Variants in EML6 observed in about 807,000 individuals in gnomAD.
The protein encoded by EML6 is echinoderm microtubule-associated protein-like 6.
In EML6, 154 loss-of-function variants were observed where a neutral mutation model predicts 240.1. The observed-to-expected ratio is 0.64, with a 90% CI of 0.56 to 0.73. The LOEUF (loss-of-function observed/expected upper bound fraction) is 0.73. Among genes scored for constraint, EML6 ranks in the 30% least tolerant of loss-of-function variants. The pLI is 0.00. For synonymous variants in EML6, 1,148 were observed against 899.0 expected (o/e 1.28, Z -4.95); for missense variants, 2,964 against 2,474.6 (o/e 1.20, Z -4.20).
chr2:54,935,455 C>G (rs1486731123), intron 28 of EML6, among the ~76,000 whole-genome samples: 1 of 152,046 alleles, frequency 6.6e-6, no homozygotes, highest in African/African-American at 2.4e-5. Context: ...TTTTTATTAC[C>G]TAGTATTATA....
chr2:54,815,501 C>T (rs968270961), intron 3 of EML6, among the ~76,000 whole-genome samples: 1 of 152,162 alleles, frequency 6.6e-6, no homozygotes, highest in African/African-American at 2.4e-5. Context: ...GCTTTTTCTC[C>T]ATCAGGAAAT....
rs114906994 is a variant in EML6, at chr2:54,844,853, G to A, written c.1049+605G>A. The stretch of plus-strand genomic sequence containing the variant: ...GGGTAAAATGAGCACAATGACTTAT[G>A]ATTCCAGTATTTTTGTACCTATTAA... On this transcript the variant is annotated intron_variant, in intron 8 of 41. Coordinates refer to ENST00000356458, the MANE Select transcript of EML6 (RefSeq NM_001039753.4). Among the ~76,000 whole-genome samples, 525 of 152,266 alleles carry A rather than the reference G, an allele frequency of 3.4e-3. 2 individuals are homozygous for A. The highest frequency in any genetic ancestry group is 0.012 in the African/African-American group (503 of 41,542).
At chr2:54,751,050 C>A (rs1276212988) in intron 2 of EML6, among the ~76,000 whole-genome samples, 3 of 152,168 alleles carry the variant, frequency 2.0e-5, no homozygotes, top group African/African-American at 7.2e-5. Context: ...GGATGTTGAG[C>A]TTGACGCATC....
chr2:54,927,623 G>C (rs945608210), intron 26 of EML6, among the ~76,000 whole-genome samples: 1 of 152,172 alleles, frequency 6.6e-6, no homozygotes, highest in Non-Finnish European at 1.5e-5. Context: ...GACTGCCCTG[G>C]CATGAGCAGC....
chr2:54,829,691 G>A (rs372424035), intron 7 of EML6, among the ~76,000 whole-genome samples: 25 of 152,194 alleles, frequency 1.6e-4, no homozygotes, highest in African/African-American at 6.0e-4. Flanking sequence ...GCCAAAATAA[G>A]CATTCTGATG....
intron 2 of EML6, among the ~76,000 whole-genome samples, chr2:54,783,942 T>A (rs1363982233): frequency 6.6e-6 from 1 of 152,224 alleles, no homozygotes. Flanking sequence ...TTCCATAATT[T>A]ATTGAACTGT....
chr2:54,779,546 CAAA>C (rs57641161), intron 2 of EML6, among the ~76,000 whole-genome samples: 19 of 96,686 alleles, frequency 2.0e-4, no homozygotes, highest in African/African-American at 2.4e-4. Context: ...GACTCTGTCT[CAAA>C]AAAAAAAAAA....
rs574788707 is a variant in EML6, at chr2:54,928,690, A to C, written c.3943A>C (p.Ile1315Leu). The C allele has an allele frequency of 1.0e-5, 16 of 1,551,884 alleles. No homozygotes were observed. The South Asian group carries it at 1.8e-4, about 17-fold the overall frequency. ...CACCACCAAGATTTATGCTGTGAGC[A>C]TCAGGGAAATGGAAGGCACCAAGCC... Reference protein sequence around the residue: ...DYTTKIYAVSIREMEGTKPHQ... With the variant: ...DYTTKIYAVSLREMEGTKPHQ... Residue 1315 changes from isoleucine to leucine, a missense_variant, in exon 28 of 42, where the codon ATC becomes CTC. Coordinates refer to ENST00000356458, the MANE Select transcript of EML6 (RefSeq NM_001039753.4).
chr2:54,799,366 T>C (rs1461614640), intron 2 of EML6, among the ~76,000 whole-genome samples: 1 of 151,608 alleles, frequency 6.6e-6, no homozygotes, highest in Non-Finnish European at 1.5e-5. Context: ...CAGCCTTTAT[T>C]ACTATTTTTT....
intron 7 of EML6, among the ~76,000 whole-genome samples, chr2:54,834,707 C>T (rs1669044643): frequency 6.6e-6 from 1 of 152,126 alleles, no homozygotes; most frequent in Non-Finnish European, 1.5e-5. Flanking sequence ...CCAGAAAGAA[C>T]CTGCATTAGG....
At chr2:54,830,286 C>A (rs1243176540) in intron 7 of EML6, among the ~76,000 whole-genome samples, 1 of 152,096 alleles carries the variant, frequency 6.6e-6, no homozygotes, top group Non-Finnish European at 1.5e-5. Context: ...ATACGCTAAG[C>A]ACAGGTTGGG....
At chr2:54,970,014 C>G in intron 41 of EML6, 57 bp from the exon 42 acceptor site, 2 of 1,544,364 alleles carry the variant, frequency 1.3e-6, no homozygotes, top group Non-Finnish European at 1.8e-6. Context: ...TTTTTTGCCA[C>G]TTGACACAAG....
At chr2:54,904,697 G>T (rs1673226871) in intron 24 of EML6, among the ~76,000 whole-genome samples, 2 of 152,330 alleles carry the variant, frequency 1.3e-5, no homozygotes, top group South Asian at 4.1e-4. Context: ...GAACTTTCAT[G>T]CTGAACTGTG....
Position 54,892,673 on chromosome 2 carries a change from A to G in EML6, c.2742+17A>G, listed in dbSNP as rs897334161. 6.5e-7 allele frequency: 1 copy of G among 1,538,370 alleles called. No homozygotes were observed. The highest frequency in any genetic ancestry group is 8.8e-7 in the Non-Finnish European group (1 of 1,138,236). Reference sequence around the variant, plus strand: ...CTGGATAAGGTATGGCCTGTGTATCAGCATTCATTTTCCTCATCAGCCTTC... The same window carrying G: ...CTGGATAAGGTATGGCCTGTGTATCGGCATTCATTTTCCTCATCAGCCTTC... On this transcript the variant is annotated intron_variant, in intron 19 of 41. Transcript: ENST00000356458.
At chr2:54,838,308 G>A (rs1352872336) in intron 7 of EML6, among the ~76,000 whole-genome samples, 1 of 152,154 alleles carries the variant, frequency 6.6e-6, no homozygotes, top group Non-Finnish European at 1.5e-5. Context: ...ATAGCATAAT[G>A]TATTGATTCA....
At chr2:54,916,733 T>TA in intron 25 of EML6, 26 bp from the exon 26 acceptor site, 4 of 1,467,144 alleles carry the variant, frequency 2.7e-6, no homozygotes, top group Non-Finnish European at 3.7e-6. Flanking sequence ...TGTGCAAAAA[T>TA]ATCATTCTCT....
In EML6 at chr2:54,774,538, G is replaced by A. The variant is rs1668520854; in HGVS notation, c.198-38694G>A. On this transcript the variant is annotated intron_variant, in intron 2 of 41. Coordinates refer to ENST00000356458, the MANE Select transcript of EML6 (RefSeq NM_001039753.4). The surrounding 1 kb of genome is among the most constrained non-coding windows in gnomAD (Gnocchi z 4.1). Reference sequence around the variant, plus strand: ...TTTTAGCCTACATCACGGGGAGAATGGAAGAGCTAGCATCTCTGCTACACT... The same window carrying A: ...TTTTAGCCTACATCACGGGGAGAATAGAAGAGCTAGCATCTCTGCTACACT... 6.6e-6 allele frequency among the ~76,000 whole-genome samples: 1 copy of A among 152,190 alleles called. No individual in the cohort carries two copies. Among genetic ancestry groups the A allele is most frequent in the Non-Finnish European group, 1.5e-5 (1 of 68,034 alleles).
chr2:54,872,860 T>G (rs900920642), intron 16 of EML6, among the ~76,000 whole-genome samples: 1 of 152,220 alleles, frequency 6.6e-6, no homozygotes, highest in Non-Finnish European at 1.5e-5. Flanking sequence ...TGTCCTTTTT[T>G]GTGCATCCCT....
rs1003647645 is a variant in EML6, at chr2:54,968,230, A to G, written c.5700A>G (p.Gly1900=). The change falls in exon 40 of 42, where the codon GGA becomes GGG. Residue 1900 remains glycine (G), a synonymous_variant. Coordinates refer to ENST00000356458, the MANE Select transcript of EML6 (RefSeq NM_001039753.4). ...VTHAGLNIVT[G]DDFGLVKLFD... Reference sequence around the variant, plus strand: ...ACGCTGGCCTGAACATTGTCACAGGAGATGACTTTGGGCTGGTGAAGCTCT... The same window carrying G: ...ACGCTGGCCTGAACATTGTCACAGGGGATGACTTTGGGCTGGTGAAGCTCT... 26 of 1,551,762 alleles carry G rather than the reference A, an allele frequency of 1.7e-5. No individual in the cohort carries two copies. Among genetic ancestry groups the G allele is most frequent in the Non-Finnish European group, 2.3e-5 (26 of 1,147,012 alleles).
Sources: gnomAD v4.1 joint callset for allele counts (sites outside exome capture counted in the v4.1 genomes callset) on GRCh38, gnomAD v4.1.1 for gene constraint, Gnocchi (gnomAD v3.1) non-coding constraint, MANE v1.5 for transcripts, NCBI Gene and HGNC (gene_info 2026-07-23, HGNC 2026-07-21) for gene names.